PCNT: variants seen among roughly 807,000 people sequenced by gnomAD.
PCNT encodes kendrin.
In PCNT, 319 loss-of-function variants were observed where a neutral mutation model predicts 380.4. That is an observed-to-expected ratio of 0.84 (90% CI 0.77 to 0.92). PCNT has a LOEUF of 0.92. PCNT is among the 40% of genes least tolerant of loss of function. The probability of loss-of-function intolerance (pLI) is 0.00; values close to 1 mark genes in which losing one functional copy is unlikely to be tolerated. For missense variants in PCNT, 4,400 were observed against 4,255.3 expected (o/e 1.03, Z -0.95); for synonymous variants, 1,845 against 1,735.2 (o/e 1.06, Z -1.57).
chr21:46,420,654 C>T (rs2087212935), intron 31 of PCNT: 2 of 152,556 alleles, frequency 1.3e-5, no homozygotes, highest in South Asian at 1.9e-4. Flanking sequence ...CTCTGACCAC[C>T]CGCTGGCGGC....
chr21:46,327,526 A>T (rs1377020685), intron 2 of PCNT, among the ~76,000 whole-genome samples: 2 of 151,916 alleles, frequency 1.3e-5, no homozygotes. Context: ...TCAGCCTCTT[A>T]AAGTGTTGGG....
intron 15 of PCNT, among the ~76,000 whole-genome samples, chr21:46,377,988 G>A (rs1048535342): frequency 7.2e-5 from 11 of 152,042 alleles, no homozygotes; most frequent in Non-Finnish European, 1.2e-4. Flanking sequence ...CGGTGTCCGC[G>A]GCTTTCACTT....
intron 32 of PCNT, among the ~76,000 whole-genome samples, chr21:46,422,891 G>A (rs562325768): frequency 3.9e-5 from 6 of 152,282 alleles, no homozygotes; most frequent in South Asian, 2.1e-4. Flanking sequence ...TTTAAAAGTC[G>A]CGGTTTCCAA....
At chr21:46,438,451 C>T (rs2053521307) in intron 41 of PCNT, 114 bp downstream of exon 41, 4 of 892,564 alleles carry the variant, frequency 4.5e-6, no homozygotes, top group Non-Finnish European at 7.4e-6. Flanking sequence ...GTGGGCGTCA[C>T]CTTCTCCCTA....
intron 21 of PCNT, among the ~76,000 whole-genome samples, chr21:46,393,562 GT>G (rs2086108471): frequency 6.6e-6 from 1 of 152,196 alleles, no homozygotes. Context: ...AGACCACCTG[GT>G]GTTTCATCAC....
intron 15 of PCNT, among the ~76,000 whole-genome samples, chr21:46,371,880 A>G (rs984891101): frequency 6.8e-6 from 1 of 147,518 alleles, no homozygotes; most frequent in Non-Finnish European, 1.5e-5. Context: ...CACACACAGC[A>G]CATGCACACA....
intron 45 of PCNT, 72 bp from the exon 46 acceptor site, chr21:46,444,622 A>G (rs2053702184): frequency 6.4e-7 from 1 of 1,555,918 alleles, no homozygotes; most frequent in Non-Finnish European, 8.7e-7. Context: ...CTCAGTCACC[A>G]TGGCTCCGTC....
intron 7 of PCNT, 87 bp from the exon 8 acceptor site, chr21:46,349,597 G>A (rs1443054158): frequency 1.3e-5 from 19 of 1,428,264 alleles, no homozygotes; most frequent in Admixed American, 3.3e-5. Context: ...GGGTGGCAGC[G>A]CTCTGGGTGC....
At chr21:46,379,821 G>A (rs1332445150) in intron 15 of PCNT, among the ~76,000 whole-genome samples, 5 of 152,282 alleles carry the variant, frequency 3.3e-5, no homozygotes, top group East Asian at 3.9e-4. Flanking sequence ...GGCCCTGCGT[G>A]CATTGTGCCC....
chr21:46,381,586 A>G (rs552239127), intron 15 of PCNT, 108 bp from the exon 16 acceptor site: 15 of 1,010,092 alleles, frequency 1.5e-5, no homozygotes, highest in Admixed American at 1.7e-5. Context: ...CTCTTGGTGC[A>G]GAGTGGGGGC....
chr21:46,355,575 T>A lies in PCNT; in HGVS notation c.1885T>A (p.Ser629Thr), dbSNP rs373719621. 17 of 1,613,938 alleles carry A rather than the reference T, an allele frequency of 1.1e-5. No individual in the cohort carries two copies. In the African/African-American group the frequency reaches 2.3e-4, roughly 22 times the overall value. Residue 629 changes from serine (S) to threonine (T), a missense_variant, in exon 12 of 47, where the codon TCA becomes ACA. Ser to Thr is a moderately conservative substitution (Grantham distance 58). Transcript: ENST00000359568. The stretch of plus-strand genomic sequence containing the variant: ...CTCAGACAGATGCTGCGTAGAGACT[T>A]CAGCATTGGGACACGAGTGGCGTCT... The part of the protein sequence containing the change: ...HVSDRCCVET[S>T]ALGHEWRLEP...
intron 31 of PCNT, 128 bp from the exon 32 acceptor site, chr21:46,421,842 A>C (rs749176949): frequency 2.9e-6 from 3 of 1,026,538 alleles, no homozygotes; most frequent in Non-Finnish European, 4.4e-6. Context: ...TTTCTCCGTG[A>C]GCAGAATCAC....
intron 38 of PCNT, among the ~76,000 whole-genome samples, chr21:46,433,640 A>G (rs1165924568): frequency 1.3e-5 from 2 of 152,204 alleles, no homozygotes; most frequent in Non-Finnish European, 2.9e-5. Context: ...GTTGCCAGCC[A>G]AAACCTTTAA....
chr21:46,409,381 G>T (rs943797901), intron 27 of PCNT, among the ~76,000 whole-genome samples: 1 of 151,724 alleles, frequency 6.6e-6, no homozygotes, highest in African/African-American at 2.4e-5. Flanking sequence ...TAGAGACGGG[G>T]TTTCTCCATG....
intron 36 of PCNT, 82 bp downstream of exon 36, chr21:46,430,314 A>G: frequency 2.1e-6 from 3 of 1,450,826 alleles, no homozygotes; most frequent in East Asian, 2.4e-5. Flanking sequence ...GGGAGACAGA[A>G]CCTCTGGTGG....
chr21:46,423,103 C>T (rs1308630045), intron 32 of PCNT, among the ~76,000 whole-genome samples: 2 of 151,886 alleles, frequency 1.3e-5, no homozygotes, highest in Non-Finnish European at 2.9e-5. Flanking sequence ...GTCAGTTAAA[C>T]CTCTTTTTTT....
In PCNT at chr21:46,411,191, C is replaced by G; in HGVS notation, c.5118C>G (p.Val1706=). ...TCTGAAATGTCCTCTCTCTTCAGGT[C>G]ATATATACCAGAAGTTCTGAGATTG... ...ELEEENTSLK[V]IYTRSSEIEE... is the part of the protein sequence containing the mutation. The change falls in exon 28 of 47, where the codon GTC becomes GTG. Residue 1706 remains valine, a splice_region_variant and synonymous_variant. Transcript: ENST00000359568. 4 of 1,613,268 alleles carry G rather than the reference C, an allele frequency of 2.5e-6. No homozygotes were observed. Among genetic ancestry groups the G allele is most frequent in the Non-Finnish European group, 3.4e-6 (4 of 1,179,426 alleles).
chr21:46,435,988 G>A lies in PCNT; in HGVS notation c.8836G>A (p.Glu2946Lys), dbSNP rs775268249. 9 of 1,614,038 alleles carry A rather than the reference G, an allele frequency of 5.6e-6. No homozygotes were observed. Among genetic ancestry groups the A allele is most frequent in the Non-Finnish European group, 7.6e-6 (9 of 1,180,016 alleles). ...AGTGAGAGACCTGGAGTCGAAGGAC[G>A]AGGTGCCTGGCAGCCGCCTCCACCT... The part of the protein sequence containing the change: ...QTVRDLESKD[E>K]VPGSRLHLGS... Residue 2946 changes from glutamate (E) to lysine (K), a missense_variant, in exon 39 of 47, where the codon GAG (glutamate) becomes AAG (lysine). By Grantham distance (56) the Glu-to-Lys change is moderately conservative. Transcript: ENST00000359568.
chr21:46,412,126 G>T (rs73909504), intron 28 of PCNT, 59 bp downstream of exon 28: 2 of 1,562,524 alleles, frequency 1.3e-6, no homozygotes, highest in Admixed American at 1.8e-5. Context: ...TTTCTCCTTT[G>T]ATGTCAATGA....
Sources: gnomAD v4.1 joint callset for allele counts (sites outside exome capture counted in the v4.1 genomes callset) on GRCh38, gnomAD v4.1.1 for gene constraint, MANE v1.5 for transcripts, NCBI Gene and HGNC (gene_info 2026-07-23, HGNC 2026-07-21) for gene names.